Variants in ANK2 observed in about 807,000 individuals in gnomAD.
ANK2 encodes ankyrin-2.
A neutral mutation model predicts 360.5 loss-of-function variants in ANK2; 83 were observed. That is an observed-to-expected ratio of 0.23 (90% CI 0.19 to 0.28). The LOEUF (loss-of-function observed/expected upper bound fraction) is 0.28, where lower values mean the gene tolerates loss of function less well. Ranked by LOEUF, ANK2 falls within the 10% of genes least tolerant of loss-of-function variation. The pLI is 1.00. For synonymous variants in ANK2, 1,740 were observed against 1,759.5 expected (o/e 0.99, Z 0.28); for missense variants, 4,201 against 4,795.7 (o/e 0.88, Z 3.66).
At chr4:113,321,581 A>C (rs892064905) in intron 26 of ANK2, among the ~76,000 whole-genome samples, 1 of 152,236 alleles carries the variant, frequency 6.6e-6, no homozygotes, top group Admixed American at 6.5e-5. Flanking sequence ...AGTAACACTC[A>C]TCATACCATG....
chr4:113,262,034 C>A (rs2053213600), intron 13 of ANK2, among the ~76,000 whole-genome samples: 1 of 152,070 alleles, frequency 6.6e-6, no homozygotes, highest in Admixed American at 6.5e-5. Flanking sequence ...GCCTGGGGTA[C>A]AGAGTGAAAC....
chr4:112,881,987 C>T (rs1408924042), intron 1 of ANK2: 8 of 576,940 alleles, frequency 1.4e-5, no homozygotes, highest in Non-Finnish European at 2.2e-5. Context: ...CCAGAGCCCC[C>T]GGAGTGCTTG....
At chr4:113,015,153 C>T (rs1020392170) in intron 2 of ANK2, among the ~76,000 whole-genome samples, 1 of 152,100 alleles carries the variant, frequency 6.6e-6, no homozygotes, top group African/African-American at 2.4e-5. Flanking sequence ...CCACCGCGCC[C>T]GGCCAGAGCT....
chr4:113,263,958 T>A (rs1051598761), intron 13 of ANK2, among the ~76,000 whole-genome samples: 1 of 152,168 alleles, frequency 6.6e-6, no homozygotes, highest in South Asian at 2.1e-4. Context: ...TTGTTCTTCA[T>A]GCTACACCTA....
intron 1 of ANK2, among the ~76,000 whole-genome samples, chr4:112,887,504 G>A (rs367851977): frequency 1.3e-5 from 2 of 152,262 alleles, no homozygotes; most frequent in South Asian, 2.1e-4. Context: ...AACTTGAGGA[G>A]CATCTGTAGT....
intron 1 of ANK2, among the ~76,000 whole-genome samples, chr4:112,863,514 CTTTTTTTTTTT>C (rs952398354): frequency 2.8e-5 from 3 of 106,990 alleles, no homozygotes; most frequent in African/African-American, 7.2e-5. Context: ...TTTAGAGTAT[CTTTTTTTTTTT>C]TTTTTTTTTT....
intron 1 of ANK2, among the ~76,000 whole-genome samples, chr4:112,855,680 A>G (rs1449887165): frequency 6.6e-6 from 1 of 152,198 alleles, no homozygotes; most frequent in African/African-American, 2.4e-5. Flanking sequence ...ATTCTAGGTG[A>G]CAAAAGTAGA....
chr4:113,198,075 G>A (rs2098776088), intron 3 of ANK2, among the ~76,000 whole-genome samples: 1 of 152,106 alleles, frequency 6.6e-6, no homozygotes, highest in Non-Finnish European at 1.5e-5. Context: ...TTAATATAGT[G>A]TATTCATTAA....
chr4:113,255,983 C>T, intron 11 of ANK2, 51 bp downstream of exon 11: 1 of 1,579,300 alleles, frequency 6.3e-7, no homozygotes, highest in Non-Finnish European at 8.7e-7. Context: ...GACAAACAAA[C>T]CCACATTCAT....
At position 113,354,445 on chromosome 4, in the gene ANK2, G is replaced by T; in HGVS notation, c.5827G>T (p.Gly1943Ter). 6.2e-7 allele frequency: 1 copy of T among 1,614,054 alleles called. No homozygotes were observed. Among genetic ancestry groups the T allele is most frequent in the Non-Finnish European group, 8.5e-7 (1 of 1,179,984 alleles). ...AAAACGCTTGCCTGTTTCACCCTCC[G>T]GAAGAACGGACAAGCACCAACCTGT... Reference protein sequence around the residue: ...TEKRLPVSPSGRTDKHQPVST... With the variant: ...TEKRLPVSPS Residue 1943 changes from glycine to a stop codon, truncating the protein, a stop_gained, in exon 38 of 46, where the codon GGA becomes TGA. Transcript: ENST00000357077. LOFTEE classifies it high-confidence loss of function.
chr4:113,007,600 C>T (rs987301225), intron 2 of ANK2, among the ~76,000 whole-genome samples: 1 of 152,038 alleles, frequency 6.6e-6, no homozygotes, highest in African/African-American at 2.4e-5. Flanking sequence ...GACTTACAAC[C>T]ACATCACATT....
intron 1 of ANK2, among the ~76,000 whole-genome samples, chr4:113,162,133 A>G (rs2097559969): frequency 6.6e-6 from 1 of 152,136 alleles, no homozygotes; most frequent in Admixed American, 6.5e-5. Flanking sequence ...TATTACACGC[A>G]AAAGCTAGAA....
At chr4:113,315,734 TA>T (rs1349471243) in intron 24 of ANK2, among the ~76,000 whole-genome samples, 1 of 150,916 alleles carries the variant, frequency 6.6e-6, no homozygotes, top group Non-Finnish European at 1.5e-5. Context: ...CTGTCTCTAC[TA>T]AAAATACAAA....
chr4:112,898,058 G>T (rs2082243750), intron 1 of ANK2, among the ~76,000 whole-genome samples: 1 of 151,994 alleles, frequency 6.6e-6, no homozygotes, highest in Non-Finnish European at 1.5e-5. Context: ...TTTATCAATA[G>T]ACTTTATTTT....
intron 23 of ANK2, among the ~76,000 whole-genome samples, chr4:113,307,758 A>G (rs1273737714): frequency 6.6e-6 from 1 of 152,204 alleles, no homozygotes; most frequent in Non-Finnish European, 1.5e-5. Context: ...TACAGGGGTT[A>G]AATATACCAC....
At chr4:113,147,931 T>A (rs2096896317) in intron 1 of ANK2, among the ~76,000 whole-genome samples, 1 of 152,244 alleles carries the variant, frequency 6.6e-6, no homozygotes, top group African/African-American at 2.4e-5. Context: ...AAATTTTTAA[T>A]CACAGAGGGG....
At chr4:113,117,204 A>C in intron 1 of ANK2, 1 of 421,014 alleles carries the variant, frequency 2.4e-6, no homozygotes. Flanking sequence ...GGAAAATCAC[A>C]TCTCCATAGA....
At chr4:113,298,025 G>C (rs1465303453) in intron 22 of ANK2, among the ~76,000 whole-genome samples, 1 of 151,958 alleles carries the variant, frequency 6.6e-6, no homozygotes, top group African/African-American at 2.4e-5. Context: ...ACCTGCCTTG[G>C]CCTCCCAAAA....
rs1218115429 is a variant in ANK2 at position 113,320,386 on chromosome 4, G to C, written c.2900+1766G>C. ...ATACTAGTGCTGGCCAGGCGCAGTG[G>C]CTCACGCCTATAATCCCAGCACTCT... On this transcript the variant is annotated intron_variant, in intron 26 of 45. Coordinates refer to ENST00000357077, the MANE Select transcript of ANK2 (RefSeq NM_001148.6). Among the ~76,000 whole-genome samples, 2 of 152,204 alleles carry C rather than the reference G, an allele frequency of 1.3e-5. 1 individual carries two copies. Among genetic ancestry groups the C allele is most frequent in the Admixed American group, 1.3e-4 (2 of 15,282 alleles).
Sources: allele counts gnomAD v4.1 joint callset (sites outside exome capture counted in the v4.1 genomes callset), GRCh38; gene constraint gnomAD v4.1.1; transcripts MANE v1.5; gene names NCBI Gene and HGNC (gene_info 2026-07-23, HGNC 2026-07-21).